ALG12: variants seen among roughly 807,000 people sequenced by gnomAD.
ALG12 encodes dol-P-Man:Man(7)GlcNAc(2)-PP-Dol alpha-1,6-mannosyltransferase.
ALG12 carries 36 observed loss-of-function variants against 46.0 expected under a neutral mutation model. The ratio of observed to expected loss-of-function variants is 0.78; its 90% CI spans 0.60 to 1.03. The LOEUF is 1.03. ALG12 is among the 50% of genes least tolerant of loss of function. The pLI is 0.00. For missense variants in ALG12, 599 were observed against 633.5 expected, an observed-to-expected ratio of 0.95 and a Z score of 0.58; for synonymous variants, 326 against 291.6, an observed-to-expected ratio of 1.12 and a Z score of -1.20.
chr22:49,917,192 C>A (rs937746770), intron 1 of ALG12, among the ~76,000 whole-genome samples: 1 of 152,248 alleles, frequency 6.6e-6, no homozygotes, highest in Non-Finnish European at 1.5e-5. Context: ...CTCTGCTGGG[C>A]AGCTGGGCAG....
chr22:49,892,814 C>T, the ALG12 span, among the ~76,000 whole-genome samples: 9 of 152,238 alleles, frequency 5.9e-5, no homozygotes, highest in East Asian at 1.4e-3. Flanking sequence ...TATAACTTTA[C>T]AGATAAACAG....
chr22:49,859,550 G>C, the ALG12 span, among the ~76,000 whole-genome samples: 4 of 152,060 alleles, frequency 2.6e-5, no homozygotes, highest in Non-Finnish European at 5.9e-5. Context: ...CACAGCGCCT[G>C]GGTTCCTTTT....
chr22:49,877,377 C>T, the ALG12 span, among the ~76,000 whole-genome samples: 8,627 of 142,852 alleles, frequency 0.06, 662 homozygotes, highest in African/African-American at 0.18. Flanking sequence ...CTGCAACCTC[C>T]GCCTCCCAGG....
chr22:49,909,907 C>A lies in ALG12; in HGVS notation c.651G>T (p.Gly217=). 6.2e-7 allele frequency: 1 copy of A among 1,614,138 alleles called. No individual in the cohort carries two copies. Reference sequence around the variant, plus strand: ...TGACTGACTTACCTAAACAGAGGATCCCTGCCGGGACGGCGTGGCGAAGGG... The same window carrying A: ...TGACTGACTTACCTAAACAGAGGATACCTGCCGGGACGGCGTGGCGAAGGG... ...VRALRHAVPA[G]ILCLGLTVAV... Residue 217 remains glycine, a synonymous_variant, in exon 5 of 10, where the codon GGG becomes GGT. Transcript: ENST00000330817.
At chr22:49,888,315 C>A in the ALG12 span, 1 of 166,764 alleles carries the variant, frequency 6.0e-6, no homozygotes, top group South Asian at 2.1e-4. Context: ...TTGCCTACGA[C>A]CTTTTAGAAA....
the ALG12 span, among the ~76,000 whole-genome samples, chr22:49,890,983 T>C: frequency 1.8e-4 from 28 of 152,040 alleles, 1 homozygote; most frequent in South Asian, 5.6e-3. Context: ...CTAGCTGAGA[T>C]TGTGCCACTG....
intron 4 of ALG12, 132 bp downstream of exon 4, chr22:49,910,302 C>G: frequency 7.4e-7 from 1 of 1,351,138 alleles, no homozygotes; most frequent in Admixed American, 2.0e-5. Context: ...GGTTTCAGGT[C>G]ACAGACCATC....
intron 1 of ALG12, 125 bp downstream of exon 1, chr22:49,918,138 G>C (rs113939496): frequency 0.042 from 6,364 of 152,636 alleles, 304 homozygotes; most frequent in African/African-American, 0.12. Flanking sequence ...GTGACGCGTG[G>C]ACATGCGCGG....
the ALG12 span, among the ~76,000 whole-genome samples, chr22:49,882,163 C>G: frequency 6.6e-6 from 1 of 152,176 alleles, no homozygotes; most frequent in Non-Finnish European, 1.5e-5. Context: ...CCATGCTGAC[C>G]AGGCTAGGGA....
chr22:49,887,134 A>G, the ALG12 span: 1 of 1,613,428 alleles, frequency 6.2e-7, no homozygotes, highest in East Asian at 2.2e-5. Flanking sequence ...TGAAAAACTT[A>G]TCTTTTTGAA....
chr22:49,903,780 C>G lies in ALG12; in HGVS notation c.*58G>C. Reference sequence around the variant, plus strand: ...AATTGTGCTGGAATTGTGCCAGAAACTGGTAGTGATAACAGCTCCTGGAAG... The same window carrying G: ...AATTGTGCTGGAATTGTGCCAGAAAGTGGTAGTGATAACAGCTCCTGGAAG... On this transcript the variant is annotated 3_prime_UTR_variant, in exon 10 of 10. Coordinates refer to ENST00000330817, the MANE Select transcript of ALG12 (RefSeq NM_024105.4). 3 of 1,561,426 alleles carry G rather than the reference C, an allele frequency of 1.9e-6. No individual in the cohort carries two copies. The highest frequency in any genetic ancestry group is 2.6e-6 in the Non-Finnish European group (3 of 1,132,704).
Position 49,900,451 on chromosome 22 carries a change from G to A in ALG12, c.*3387C>T, listed in dbSNP as rs1001548462. 5 of 152,304 alleles carry A rather than the reference G, an allele frequency of 3.3e-5. No individual in the cohort carries two copies. Among genetic ancestry groups the A allele is most frequent in the African/African-American group, 1.2e-4 (5 of 41,436 alleles). The allele number at this position is 152,304 out of a possible 1,614,324, so 9.4% of individuals were successfully genotyped here. A position where few individuals can be genotyped will look rare whatever the true frequency, so the allele number is the denominator to read the frequency against. ...GAGGCACAAGACTGAAAGCAAACGG[G>A]AAGGATGAACCCAGCTGTATTTCCA... On this transcript the variant is annotated 3_prime_UTR_variant, in exon 10 of 10. Transcript: ENST00000330817.
At chr22:49,875,813 A>G in the ALG12 span, among the ~76,000 whole-genome samples, 2 of 151,554 alleles carry the variant, frequency 1.3e-5, no homozygotes, top group African/African-American at 4.9e-5. Flanking sequence ...CTGTAGTGAT[A>G]CTCCCTCTCT....
In ALG12 at chr22:49,900,940, C is replaced by T. The variant is rs1457210043; in HGVS notation, c.*2898G>A. ...TCCCGGTCTCTAACGCTGTTCCCCA[C>T]CAAAGGGAGCCAAGACCCACAGAGC... is the stretch of plus-strand genomic sequence containing the variant. On this transcript the variant is annotated 3_prime_UTR_variant, in exon 10 of 10. Transcript: ENST00000330817. The T allele has an allele frequency of 1.3e-5, 2 of 152,290 alleles. No homozygotes were observed. Among genetic ancestry groups the T allele is most frequent in the African/African-American group, 4.8e-5 (2 of 41,468 alleles). 9.4% of individuals were successfully genotyped at this position (152,290 alleles called of 1,614,324 possible).
rs900144051 is a variant in ALG12, at chr22:49,905,363, T to C, written c.993-857A>G. 1.3e-5 allele frequency among the ~76,000 whole-genome samples: 2 copies of C among 152,224 alleles called. No homozygotes were observed. The highest frequency in any genetic ancestry group is 4.8e-5 in the African/African-American group (2 of 41,466). On this transcript the variant is annotated intron_variant, in intron 7 of 9. Coordinates refer to ENST00000330817, the MANE Select transcript of ALG12 (RefSeq NM_024105.4). The surrounding 1 kb of genome is among the most constrained non-coding windows in gnomAD (Gnocchi z 4.9). Reference sequence around the variant, plus strand: ...TCGGAGCCCTCTTCTCCACAGGCCCTGCCCTTTGCTATGGTTTGGATCTGC... The same window carrying C: ...TCGGAGCCCTCTTCTCCACAGGCCCCGCCCTTTGCTATGGTTTGGATCTGC...
At chr22:49,890,600 C>A in the ALG12 span, among the ~76,000 whole-genome samples, 3 of 152,142 alleles carry the variant, frequency 2.0e-5, no homozygotes, top group African/African-American at 7.2e-5. Flanking sequence ...TGAAGAATTG[C>A]CCTTATTTGA....
At chr22:49,884,893 G>A in the ALG12 span, 413 of 1,603,340 alleles carry the variant, frequency 2.6e-4, 2 homozygotes, top group African/African-American at 4.7e-3. Flanking sequence ...GATGGAAGAC[G>A]TGGCGGCCTT....
chr22:49,914,036 A>G (rs886869777), intron 1 of ALG12, among the ~76,000 whole-genome samples, 193 bp from the exon 2 acceptor site: 2 of 152,252 alleles, frequency 1.3e-5, no homozygotes, highest in Non-Finnish European at 2.9e-5. Context: ...GTAACCAGTG[A>G]TCTGACACTT....
chr22:49,910,360 C>G (rs993297673), intron 4 of ALG12, 74 bp downstream of exon 4: 20 of 1,554,918 alleles, frequency 1.3e-5, no homozygotes, highest in Non-Finnish European at 1.7e-5. Flanking sequence ...GCACTGCCAT[C>G]AGCTGCACAG....
Sources: allele counts gnomAD v4.1 joint callset (sites outside exome capture counted in the v4.1 genomes callset), GRCh38; gene constraint gnomAD v4.1.1; non-coding constraint Gnocchi (gnomAD v3.1); transcripts MANE v1.5; gene names NCBI Gene and HGNC (gene_info 2026-07-23, HGNC 2026-07-21).